The following TNKS variants were observed in gnomAD, a reference collection of about 807,000 sequenced individuals.
The protein encoded by TNKS is tankyrase, also known as poly [ADP-ribose] polymerase tankyrase-1.
TNKS carries 72 observed loss-of-function variants against 135.8 expected under a neutral mutation model. The observed-to-expected ratio is 0.53, with a 90% CI of 0.44 to 0.64. TNKS has a LOEUF of 0.64. Ranked by LOEUF, TNKS falls within the 30% of genes least tolerant of loss-of-function variation. The pLI is 0.00. For synonymous variants in TNKS, 849 were observed against 649.3 expected (o/e 1.31, Z -4.68); for missense variants, 1,769 against 1,674.0 (o/e 1.06, Z -0.99).
In TNKS at chr8:9,723,154, G is replaced by GT. The variant is rs10688007; in HGVS notation, c.1921+2621dup. On this transcript the variant is annotated intron_variant, in intron 12 of 26. Transcript: ENST00000310430. Reference sequence around the variant, plus strand: ...ATAGGAAAATTTTGCCCTCCAAAAGGTTTTTTTTTTTTGTAATGGGAATTG... The same window carrying GT: ...ATAGGAAAATTTTGCCCTCCAAAAGGTTTTTTTTTTTTTGTAATGGGAATTG... Among the ~76,000 whole-genome samples the GT allele has an allele frequency of 5.4e-3, 774 of 144,322 alleles. 5 individuals carry two copies. The highest frequency in any genetic ancestry group is 0.011 in the African/African-American group (447 of 39,580). The allele number at this position is 144,322 out of a possible 152,430, so 94.7% of individuals were successfully genotyped here.
chr8:9,651,490 A>C (rs1482322726), intron 3 of TNKS, among the ~76,000 whole-genome samples: 3 of 152,152 alleles, frequency 2.0e-5, no homozygotes, highest in African/African-American at 7.2e-5. Flanking sequence ...CTTTGAGAGA[A>C]TTTAGAGGAG....
chr8:9,689,845 G>T (rs543901775), intron 5 of TNKS, among the ~76,000 whole-genome samples: 1 of 152,180 alleles, frequency 6.6e-6, no homozygotes, highest in Admixed American at 6.5e-5. Flanking sequence ...AAGGTGGACC[G>T]ATTCCCTCCT....
chr8:9,639,390 C>G (rs1384651436), intron 3 of TNKS, among the ~76,000 whole-genome samples: 1 of 151,694 alleles, frequency 6.6e-6, no homozygotes, highest in East Asian at 1.9e-4. Context: ...TTGATTTTGA[C>G]CACTCATTTC....
At chr8:9,751,420 C>T (rs920645030) in intron 18 of TNKS, among the ~76,000 whole-genome samples, 189 bp from the exon 19 acceptor site, 6 of 151,966 alleles carry the variant, frequency 3.9e-5, no homozygotes, top group African/African-American at 1.5e-4. Flanking sequence ...ATAGTTTCTC[C>T]AATTCTGTCT....
chr8:9,724,188 G>T (rs920864016), intron 12 of TNKS, among the ~76,000 whole-genome samples: 2 of 152,130 alleles, frequency 1.3e-5, no homozygotes, highest in Non-Finnish European at 2.9e-5. Flanking sequence ...GGTTGCTCAC[G>T]CCTATAATCC....
At chr8:9,734,733 T>G in intron 15 of TNKS, 132 bp from the exon 16 acceptor site, 1 of 738,070 alleles carries the variant, frequency 1.4e-6, no homozygotes, top group Non-Finnish European at 2.2e-6. Flanking sequence ...TTTTGCAAAG[T>G]GTTTTTCAAA....
chr8:9,688,833 G>A lies in TNKS; in HGVS notation c.1107+8033G>A, dbSNP rs897925039. Among the ~76,000 whole-genome samples, 11 of 152,062 alleles carry A rather than the reference G, an allele frequency of 7.2e-5. No homozygotes were observed. The South Asian group carries it at 1.2e-3, about 17-fold the overall frequency. On this transcript the variant is annotated intron_variant, in intron 5 of 26. Transcript: ENST00000310430. ...TTTTTGTATTTTTAGTAGAGATGGC[G>A]TTTCACTATGTTGGTCAAGCTGGGC...
chr8:9,745,638 C>G (rs907515842), intron 17 of TNKS, among the ~76,000 whole-genome samples: 2 of 152,082 alleles, frequency 1.3e-5, no homozygotes, highest in Non-Finnish European at 2.9e-5. Context: ...CTCCTGACCT[C>G]AAATGATCTG....
intron 3 of TNKS, among the ~76,000 whole-genome samples, chr8:9,647,239 T>A (rs921234007): frequency 6.6e-6 from 1 of 152,222 alleles, no homozygotes; most frequent in African/African-American, 2.4e-5. Context: ...TTTTGCGTAA[T>A]GATTCTGATC....
At chr8:9,742,966 G>T (rs998268445) in intron 17 of TNKS, among the ~76,000 whole-genome samples, 1 of 151,990 alleles carries the variant, frequency 6.6e-6, no homozygotes, top group African/African-American at 2.4e-5. Context: ...ATAAATCTGT[G>T]TATCTTTCAA....
intron 3 of TNKS, among the ~76,000 whole-genome samples, chr8:9,625,097 T>G (rs1169087458): frequency 6.6e-6 from 1 of 152,134 alleles, no homozygotes; most frequent in Admixed American, 6.5e-5. Context: ...TGATTCAATT[T>G]TAAGTAGGTC....
chr8:9,671,988 A>C (rs1460429295), intron 3 of TNKS, among the ~76,000 whole-genome samples: 1 of 152,190 alleles, frequency 6.6e-6, no homozygotes, highest in Non-Finnish European at 1.5e-5. Flanking sequence ...CTTTGTCCAT[A>C]GATCCATGCT....
At chr8:9,595,608 G>A (rs1798753652) in intron 2 of TNKS, among the ~76,000 whole-genome samples, 1 of 152,006 alleles carries the variant, frequency 6.6e-6, no homozygotes, top group Non-Finnish European at 1.5e-5. Flanking sequence ...TCCAGGAAAA[G>A]CACCCGTATG....
intron 13 of TNKS, among the ~76,000 whole-genome samples, chr8:9,728,152 A>G (rs982598115): frequency 6.6e-6 from 1 of 152,170 alleles, no homozygotes; most frequent in Non-Finnish European, 1.5e-5. Context: ...TTCTTAAACA[A>G]TCCATTCACA....
intron 1 of TNKS, among the ~76,000 whole-genome samples, chr8:9,579,824 A>T (rs1798102385): frequency 6.6e-6 from 1 of 152,164 alleles, no homozygotes; most frequent in Non-Finnish European, 1.5e-5. Context: ...TTCTATATAC[A>T]GTTTTGTGTT....
rs143394187 is a variant in TNKS at position 9,720,255 on chromosome 8, A to T, written c.1750-119A>T. The T allele has an allele frequency of 1.5e-4, 143 of 963,234 alleles. 1 individual carries two copies. In the East Asian group the frequency reaches 3.2e-3, roughly 22 times the overall value. 59.7% of individuals were successfully genotyped at this position (963,234 alleles called of 1,614,324 possible). On this transcript the variant is annotated intron_variant, in intron 11 of 26. Transcript: ENST00000310430. ...GAGCAAAAGTTTATAATCAATATCTATGAGACTTTTTAAAAGCTTTGAAAG... is the reference window on the plus strand; with the variant it reads ...GAGCAAAAGTTTATAATCAATATCTTTGAGACTTTTTAAAAGCTTTGAAAG...
intron 2 of TNKS, among the ~76,000 whole-genome samples, chr8:9,600,382 T>G (rs564344917): frequency 6.6e-6 from 1 of 152,318 alleles, no homozygotes; most frequent in African/African-American, 2.4e-5. Flanking sequence ...GGTGTGATCA[T>G]GGCTCACTGC....
chr8:9,575,359 G>C (rs556100112), intron 1 of TNKS: 40 of 984,198 alleles, frequency 4.1e-5, no homozygotes, highest in East Asian at 1.1e-4. Flanking sequence ...TTACAGGTGT[G>C]AGCCACCGCG....
Position 9,604,503 on chromosome 8 carries a change from C to T in TNKS, c.899-11079C>T, listed in dbSNP as rs541813543. Among the ~76,000 whole-genome samples, 47 of 152,028 alleles carry T rather than the reference C, an allele frequency of 3.1e-4. 1 individual carries two copies. The highest frequency in any genetic ancestry group is 6.2e-4 in the South Asian group (3 of 4,822). ...TTAAGTATCTGCCTAACATATATAACGTATATTAAGCTAGGCTCACTAAAA... is the reference window on the plus strand; with the variant it reads ...TTAAGTATCTGCCTAACATATATAATGTATATTAAGCTAGGCTCACTAAAA... On this transcript the variant is annotated intron_variant, in intron 2 of 26. Transcript: ENST00000310430.
Sources: gnomAD v4.1 joint callset for allele counts (sites outside exome capture counted in the v4.1 genomes callset) on GRCh38, gnomAD v4.1.1 for gene constraint, MANE v1.5 for transcripts, NCBI Gene and HGNC (gene_info 2026-07-23, HGNC 2026-07-21) for gene names.